CDCA7L: variants seen among roughly 807,000 people sequenced by gnomAD.
The protein encoded by CDCA7L is cell division cycle-associated 7-like protein.
In CDCA7L, 44 loss-of-function variants were observed where a neutral mutation model predicts 57.4. The observed-to-expected ratio is 0.77, with a 90% confidence interval of 0.60 to 0.98. CDCA7L has a LOEUF of 0.98. Among genes scored for constraint, CDCA7L ranks in the 50% least tolerant of loss-of-function variants. The pLI, the probability that CDCA7L is intolerant of heterozygous loss-of-function variation, is 0.00. For synonymous variants in CDCA7L, 236 were observed against 202.8 expected, an observed-to-expected ratio of 1.16 and a Z score of -1.39; for missense variants, 644 against 580.6, an observed-to-expected ratio of 1.11 and a Z score of -1.12.
Position 21,906,559 on chromosome 7 carries a change from T to C in CDCA7L, c.753+9A>G. ...CAGTATTGGTATAATTATAAGGAGT[T>C]CTACTTACAGAAGCTGAGGTTGGGG... On this transcript the variant is annotated intron_variant, in intron 5 of 9. Transcript: ENST00000406877. 1 of 1,614,030 alleles carries C rather than the reference T, an allele frequency of 6.2e-7. No homozygotes were observed. The highest frequency in any genetic ancestry group is 1.3e-5 in the African/African-American group (1 of 75,024).
At chr7:21,903,243 C>A (rs541756869) in intron 8 of CDCA7L, 129 bp from the exon 9 acceptor site, 1 of 834,910 alleles carries the variant, frequency 1.2e-6, no homozygotes. Flanking sequence ...TTTCAGTCTA[C>A]GTCCCAGGGG....
At chr7:21,932,271 T>C (rs184643626) in intron 1 of CDCA7L, among the ~76,000 whole-genome samples, 4 of 152,166 alleles carry the variant, frequency 2.6e-5, no homozygotes, top group Non-Finnish European at 2.9e-5. Context: ...AAGATACCAA[T>C]GACTTTCTTT....
intron 1 of CDCA7L, among the ~76,000 whole-genome samples, chr7:21,939,481 G>A (rs1010999406): frequency 6.6e-6 from 1 of 152,198 alleles, no homozygotes; most frequent in Non-Finnish European, 1.5e-5. Context: ...TAATGAACTG[G>A]AATTTTGGCA....
intron 7 of CDCA7L, among the ~76,000 whole-genome samples, chr7:21,904,637 C>T (rs919427787): frequency 2.0e-5 from 3 of 152,120 alleles, no homozygotes; most frequent in Non-Finnish European, 4.4e-5. Context: ...ATCTAATGCC[C>T]GATGATCTGA....
intron 1 of CDCA7L, among the ~76,000 whole-genome samples, chr7:21,941,433 G>C (rs550195699): frequency 6.6e-6 from 1 of 152,192 alleles, no homozygotes; most frequent in African/African-American, 2.4e-5. Context: ...AATGGGGCAC[G>C]GAGAGTAGGG....
chr7:21,903,181 G>C (rs902110797), intron 8 of CDCA7L, 67 bp from the exon 9 acceptor site: 5 of 1,505,402 alleles, frequency 3.3e-6, no homozygotes, highest in Non-Finnish European at 4.5e-6. Context: ...CTGGGATTCG[G>C]ATCCAGAATG....
intron 1 of CDCA7L, among the ~76,000 whole-genome samples, chr7:21,919,250 G>A (rs1399043393): frequency 6.6e-6 from 1 of 151,976 alleles, no homozygotes; most frequent in African/African-American, 2.4e-5. Context: ...GTATATCCAT[G>A]GATTTCTAAA....
At position 21,909,997 on chromosome 7, in the gene CDCA7L, C is replaced by A. The variant is rs1321961637; in HGVS notation, c.304-1490G>T. ...GAGGGTGGGCTGGGAGGCAACAATGCTTTTCTTCTCACTGGATTCTAAAAT... is the reference window on the plus strand; with the variant it reads ...GAGGGTGGGCTGGGAGGCAACAATGATTTTCTTCTCACTGGATTCTAAAAT... On this transcript the variant is annotated intron_variant, in intron 3 of 9. Transcript: ENST00000406877. 2.0e-5 allele frequency among the ~76,000 whole-genome samples: 3 copies of A among 152,276 alleles called. No individual in the cohort carries two copies. The East Asian group carries it at 5.8e-4, about 29-fold the overall frequency.
intron 1 of CDCA7L, among the ~76,000 whole-genome samples, chr7:21,924,646 T>C (rs962947058): frequency 1.3e-5 from 2 of 152,184 alleles, no homozygotes; most frequent in Non-Finnish European, 2.9e-5. Flanking sequence ...TATAAAACTT[T>C]TAGAAGAGGA....
intron 3 of CDCA7L, among the ~76,000 whole-genome samples, chr7:21,909,148 C>G (rs557204271): frequency 2.6e-5 from 4 of 152,164 alleles, no homozygotes; most frequent in Non-Finnish European, 4.4e-5. Context: ...AATCCTCACC[C>G]GACATTTTCA....
chr7:21,912,368 AAGAC>A (rs759908187), intron 2 of CDCA7L, among the ~76,000 whole-genome samples: 7 of 152,160 alleles, frequency 4.6e-5, no homozygotes, highest in Non-Finnish European at 8.8e-5. Flanking sequence ...TCAGACCTAC[AAGAC>A]AGACAATTTT....
chr7:21,903,594 C>T (rs183548853), intron 8 of CDCA7L, among the ~76,000 whole-genome samples: 1 of 128,708 alleles, frequency 7.8e-6, no homozygotes, highest in African/African-American at 3.0e-5. Context: ...CAGGACTGCC[C>T]CAGGCTCAAG....
intron 1 of CDCA7L, among the ~76,000 whole-genome samples, chr7:21,935,221 T>A (rs1166861135): frequency 6.6e-6 from 1 of 151,866 alleles, no homozygotes; most frequent in Non-Finnish European, 1.5e-5. Context: ...AAACTAGAAA[T>A]CAGTAACAGA....
intron 1 of CDCA7L, among the ~76,000 whole-genome samples, chr7:21,944,344 G>A (rs374690504): frequency 4.7e-5 from 7 of 149,560 alleles, no homozygotes; most frequent in African/African-American, 1.2e-4. Context: ...CCAGCTACTC[G>A]GGACGCTGAG....
Position 21,911,650 on chromosome 7 carries a change from A to C in CDCA7L, c.270T>G (p.Ser90Arg). ...CTGGGTTAGTCTTTCCATTCAGATC[A>C]CTCTGCGTAAATCCTGCAAAATCCT... Reference protein sequence around the residue: ...ETEDFAGFTQSDLNGKTNPEV... With the variant: ...ETEDFAGFTQRDLNGKTNPEV... The change falls in exon 3 of 10, where the codon AGT (serine) becomes AGG (arginine). Residue 90 changes from serine (S) to arginine (R), a missense_variant. Coordinates refer to ENST00000406877, the MANE Select transcript of CDCA7L (RefSeq NM_018719.5). 6.2e-7 allele frequency: 1 copy of C among 1,613,598 alleles called. No individual in the cohort carries two copies. The highest frequency in any genetic ancestry group is 8.5e-7 in the Non-Finnish European group (1 of 1,179,894).
intron 1 of CDCA7L, among the ~76,000 whole-genome samples, chr7:21,936,918 G>C (rs531147827): frequency 6.0e-4 from 91 of 152,264 alleles, no homozygotes; most frequent in Admixed American, 1.6e-3. Flanking sequence ...GAGAACACTA[G>C]AGATTACACA....
chr7:21,925,800 T>C (rs537419515), intron 1 of CDCA7L, among the ~76,000 whole-genome samples: 12 of 152,096 alleles, frequency 7.9e-5, no homozygotes, highest in South Asian at 6.2e-4. Context: ...GGAGGGAGGA[T>C]TGATTGAGCC....
chr7:21,905,991 T>C lies in CDCA7L; in HGVS notation c.921+298A>G, dbSNP rs913455923. On this transcript the variant is annotated intron_variant, in intron 6 of 9. Transcript: ENST00000406877. Reference sequence around the variant, plus strand: ...AAACAGAAAGGCAAGGAGGAATCACTGCACTTTTCTTTATTGCCTGCAGCA... The same window carrying C: ...AAACAGAAAGGCAAGGAGGAATCACCGCACTTTTCTTTATTGCCTGCAGCA... Among the ~76,000 whole-genome samples the C allele has an allele frequency of 1.6e-4, 24 of 152,188 alleles. No homozygotes were observed. Among genetic ancestry groups the C allele is most frequent in the African/African-American group, 4.8e-4 (20 of 41,442 alleles).
intron 3 of CDCA7L, among the ~76,000 whole-genome samples, chr7:21,911,280 G>A (rs1306181431): frequency 1.3e-5 from 2 of 151,860 alleles, no homozygotes; most frequent in African/African-American, 2.4e-5. Flanking sequence ...ACCCGCCTCG[G>A]CCTCCCAAAG....
Sources: gnomAD v4.1 joint callset for allele counts (sites outside exome capture counted in the v4.1 genomes callset) on GRCh38, gnomAD v4.1.1 for gene constraint, MANE v1.5 for transcripts, NCBI Gene and HGNC (gene_info 2026-07-23, HGNC 2026-07-21) for gene names.